WAC: variants seen among roughly 807,000 people sequenced by gnomAD.
WAC encodes WW domain containing adaptor with coiled-coil.
Under a neutral mutation model 79.6 loss-of-function variants are expected in WAC, and 11 were observed. The observed-to-expected ratio is 0.14, with a 90% CI of 0.09 to 0.23. The LOEUF (loss-of-function observed/expected upper bound fraction) is 0.23, where lower values mean the gene tolerates loss of function less well. Among genes scored for constraint, WAC ranks in the 10% least tolerant of loss-of-function variants. The pLI is 1.00. For missense variants in WAC, 728 were observed against 773.5 expected (o/e 0.94, Z 0.70); for synonymous variants, 304 against 276.9 (o/e 1.10, Z -0.97).
intron 3 of WAC, among the ~76,000 whole-genome samples, chr10:28,553,994 G>C (rs1837846088): frequency 6.6e-6 from 1 of 152,056 alleles, no homozygotes; most frequent in Non-Finnish European, 1.5e-5. Context: ...TGTCTCCCAA[G>C]TGTCCAGGAC....
chr10:28,583,309 T>C (rs976022999), intron 3 of WAC, 90 bp from the exon 4 acceptor site: 13 of 928,248 alleles, frequency 1.4e-5, no homozygotes, highest in Non-Finnish European at 1.6e-6. Context: ...TTTAGAGATA[T>C]AAAATAATAT....
intron 3 of WAC, among the ~76,000 whole-genome samples, chr10:28,582,184 A>G (rs982625140): frequency 2.6e-5 from 4 of 152,140 alleles, no homozygotes; most frequent in African/African-American, 9.6e-5. Context: ...TTTTCCTGTC[A>G]TACTCTTACT....
intron 3 of WAC, among the ~76,000 whole-genome samples, chr10:28,570,115 C>CT (rs1838862129): frequency 6.6e-6 from 1 of 152,190 alleles, no homozygotes; most frequent in South Asian, 2.1e-4. Flanking sequence ...GGAGAATTTA[C>CT]TTAAAGTTTT....
intron 8 of WAC, among the ~76,000 whole-genome samples, chr10:28,609,386 C>A (rs1320360051): frequency 1.3e-5 from 2 of 152,038 alleles, no homozygotes; most frequent in Non-Finnish European, 2.9e-5. Flanking sequence ...ATAAAGTGAT[C>A]AATTTTTATG....
intron 3 of WAC, among the ~76,000 whole-genome samples, chr10:28,559,997 G>A (rs1838214712): frequency 6.6e-6 from 1 of 152,154 alleles, no homozygotes; most frequent in Non-Finnish European, 1.5e-5. Flanking sequence ...GATGTAATGT[G>A]ATTCTGGATA....
At chr10:28,571,374 C>A (rs1419444635) in intron 3 of WAC, among the ~76,000 whole-genome samples, 1 of 152,138 alleles carries the variant, frequency 6.6e-6, no homozygotes, top group Non-Finnish European at 1.5e-5. Flanking sequence ...AGTTTAGTAT[C>A]CAAGGCCCCT....
intron 8 of WAC, 47 bp from the exon 9 acceptor site, chr10:28,610,652 A>T (rs758829035): frequency 1.9e-6 from 3 of 1,556,736 alleles, no homozygotes; most frequent in Non-Finnish European, 8.6e-7. Flanking sequence ...CTAATGCCAC[A>T]TAAGCCTCTT....
intron 3 of WAC, among the ~76,000 whole-genome samples, chr10:28,581,233 C>T (rs377094228): frequency 7.9e-6 from 1 of 126,086 alleles, no homozygotes; most frequent in African/African-American, 3.0e-5. Context: ...GTACAATGAG[C>T]GATTCTTTTT....
chr10:28,604,354 C>T (rs779556167), intron 7 of WAC, among the ~76,000 whole-genome samples: 2 of 151,726 alleles, frequency 1.3e-5, no homozygotes, highest in East Asian at 1.9e-4. Context: ...TTGAAGAATG[C>T]TGTCATTAAC....
chr10:28,534,125 C>G (rs1184027669), intron 2 of WAC, 91 bp downstream of exon 2: 26 of 1,306,562 alleles, frequency 2.0e-5, no homozygotes, highest in Non-Finnish European at 2.5e-5. Flanking sequence ...GAAGTCGATA[C>G]AGGCCCTTCG....
At chr10:28,565,620 G>A (rs952633166) in intron 3 of WAC, among the ~76,000 whole-genome samples, 46 of 152,234 alleles carry the variant, frequency 3.0e-4, no homozygotes, top group African/African-American at 1.1e-3. Flanking sequence ...ATTATAAATT[G>A]TTACTGTTTT....
At chr10:28,538,229 T>G in intron 3 of WAC, 1 of 191,572 alleles carries the variant, frequency 5.2e-6, no homozygotes, top group South Asian at 6.3e-5. Context: ...ACTAAGATGT[T>G]AAAAGTGTAT....
chr10:28,551,305 T>C (rs963953266), intron 3 of WAC, among the ~76,000 whole-genome samples: 1 of 152,218 alleles, frequency 6.6e-6, no homozygotes, highest in Non-Finnish European at 1.5e-5. Flanking sequence ...CTGACTATAA[T>C]GATGTAAAGT....
At chr10:28,588,839 C>T (rs1271866853) in intron 4 of WAC, 1 of 152,086 alleles carries the variant, frequency 6.6e-6, no homozygotes, top group African/African-American at 2.4e-5. Flanking sequence ...TGCATATCAT[C>T]TCATTTATTT....
intron 1 of WAC, 175 bp downstream of exon 1, chr10:28,533,795 G>T: frequency 1.0e-6 from 1 of 993,300 alleles, no homozygotes; most frequent in Non-Finnish European, 1.5e-6. Context: ...GTGTGGCGGG[G>T]AGCGGGGGCC....
At chr10:28,553,933 A>G (rs972803615) in intron 3 of WAC, among the ~76,000 whole-genome samples, 11 of 152,046 alleles carry the variant, frequency 7.2e-5, no homozygotes, top group African/African-American at 2.7e-4. Flanking sequence ...CAGTGGTGCT[A>G]TTTTGGCTCA....
chr10:28,603,933 C>CAAAAA (rs1312613029), intron 7 of WAC, among the ~76,000 whole-genome samples: 6 of 17,988 alleles, frequency 3.3e-4, no homozygotes, highest in Admixed American at 3.3e-3. Flanking sequence ...GACTCCGTCT[C>CAAAAA]AAAAAAAAAA....
In WAC at chr10:28,536,975, C is replaced by A. The variant is rs186063350; in HGVS notation, c.274+1218C>A. Among the ~76,000 whole-genome samples, 187 of 152,234 alleles carry A rather than the reference C, an allele frequency of 1.2e-3. 1 individual carries two copies. Among genetic ancestry groups the A allele is most frequent in the African/African-American group, 4.3e-3 (180 of 41,542 alleles). Reference sequence around the variant, plus strand: ...TACTTGGCTTACTTTAAAAAAAATACCTTGCATCTTGCCCCTTTTGTCCAC... The same window carrying A: ...TACTTGGCTTACTTTAAAAAAAATAACTTGCATCTTGCCCCTTTTGTCCAC... On this transcript the variant is annotated intron_variant, in intron 3 of 13. Transcript: ENST00000354911.
intron 3 of WAC, among the ~76,000 whole-genome samples, chr10:28,555,925 T>C (rs1297851636): frequency 6.6e-6 from 1 of 152,142 alleles, no homozygotes; most frequent in African/African-American, 2.4e-5. Context: ...TTACACAGTC[T>C]GGTATTCAGT....
Sources: allele counts gnomAD v4.1 joint callset (sites outside exome capture counted in the v4.1 genomes callset), GRCh38; gene constraint gnomAD v4.1.1; transcripts MANE v1.5; gene names NCBI Gene and HGNC (gene_info 2026-07-23, HGNC 2026-07-21).